The following GALNT13 variants were observed in gnomAD, a reference collection of about 807,000 sequenced individuals.
The protein encoded by GALNT13 is polypeptide N-acetylgalactosaminyltransferase 13.
Under a neutral mutation model 64.2 loss-of-function variants are expected in GALNT13, and 28 were observed. That is an observed-to-expected ratio of 0.44 (90% CI 0.32 to 0.60). The LOEUF is 0.60. Ranked by LOEUF, GALNT13 falls within the 20% of genes least tolerant of loss-of-function variation. GALNT13 has a pLI of 0.05. For missense variants in GALNT13, 577 were observed against 669.8 expected (o/e 0.86, Z 1.53); for synonymous variants, 214 against 224.6 (o/e 0.95, Z 0.42).
the GALNT13 span, among the ~76,000 whole-genome samples, chr2:153,325,124 T>TG: frequency 2.8e-5 from 4 of 145,002 alleles, no homozygotes; most frequent in East Asian, 6.0e-4. Flanking sequence ...GTTTTTTTTT[T>TG]TTTTTTTTTT....
chr2:153,219,799 T>G, the GALNT13 span, among the ~76,000 whole-genome samples: 1 of 152,362 alleles, frequency 6.6e-6, no homozygotes, highest in African/African-American at 2.4e-5. Context: ...GTGGGAAATT[T>G]CATCCTTTTC....
At chr2:154,012,623 G>A (rs1419859246) in intron 3 of GALNT13, among the ~76,000 whole-genome samples, 1 of 152,164 alleles carries the variant, frequency 6.6e-6, no homozygotes, top group Non-Finnish European at 1.5e-5. Context: ...CTGGGGACAT[G>A]AGAGAAATTT....
In GALNT13 at chr2:153,946,088, C is replaced by G. The variant is rs1574175397; in HGVS notation, c.142+1449C>G. Among the ~76,000 whole-genome samples, 3 of 152,228 alleles carry G rather than the reference C, an allele frequency of 2.0e-5. No individual in the cohort carries two copies. In the East Asian group the frequency reaches 5.8e-4, roughly 29 times the overall value. On this transcript the variant is annotated intron_variant, in intron 3 of 12. Transcript: ENST00000392825. Reference sequence around the variant, plus strand: ...TAGTTAAAACCCCAGAATTAATCAGCCTTCTGAGCTTCTTTGTCAGAATCA... The same window carrying G: ...TAGTTAAAACCCCAGAATTAATCAGGCTTCTGAGCTTCTTTGTCAGAATCA...
the GALNT13 span, among the ~76,000 whole-genome samples, chr2:153,386,821 C>T: frequency 1.3e-5 from 2 of 152,050 alleles, no homozygotes; most frequent in Non-Finnish European, 2.9e-5. Flanking sequence ...AGATCCAGTC[C>T]TCTGAACAAC....
chr2:154,030,620 T>C (rs1698274142), intron 3 of GALNT13, among the ~76,000 whole-genome samples: 1 of 152,136 alleles, frequency 6.6e-6, no homozygotes, highest in Non-Finnish European at 1.5e-5. Flanking sequence ...CAAATTGTAA[T>C]TGCCACATGT....
chr2:153,247,032 A>T, the GALNT13 span, among the ~76,000 whole-genome samples: 1 of 152,214 alleles, frequency 6.6e-6, no homozygotes. Flanking sequence ...AAACCAACAA[A>T]GATCAAAAAA....
At chr2:153,267,489 C>T in the GALNT13 span, among the ~76,000 whole-genome samples, 1 of 152,152 alleles carries the variant, frequency 6.6e-6, no homozygotes, top group Non-Finnish European at 1.5e-5. Flanking sequence ...TGGAAGCCAC[C>T]AAGGATTGGG....
At chr2:153,301,331 G>GAAAAAAAAA in the GALNT13 span, among the ~76,000 whole-genome samples, 24 of 51,250 alleles carry the variant, frequency 4.7e-4, no homozygotes, top group African/African-American at 2.8e-3. Context: ...AAAAAAAAAA[G>GAAAAAAAAA]AGTCTGCAGA....
rs116274712 is a variant in GALNT13 at position 154,263,337 on chromosome 2, A to G, written c.975+4199A>G. Among the ~76,000 whole-genome samples the G allele has an allele frequency of 3.9e-3, 595 of 152,280 alleles. 4 individuals are homozygous for G. Among genetic ancestry groups the G allele is most frequent in the Middle Eastern group, 6.8e-3 (2 of 294 alleles). On this transcript the variant is annotated intron_variant, in intron 8 of 12. Transcript: ENST00000392825. Reference sequence around the variant, plus strand: ...TTTTAGAGAAAGATTAAATGATATTATGTATATTGTGCTGAGTACTCCACT... The same window carrying G: ...TTTTAGAGAAAGATTAAATGATATTGTGTATATTGTGCTGAGTACTCCACT...
the GALNT13 span, among the ~76,000 whole-genome samples, chr2:153,089,746 G>A: frequency 1.3e-5 from 2 of 151,736 alleles, no homozygotes; most frequent in African/African-American, 2.4e-5. Context: ...AGTATATTTT[G>A]TACTTCTCTG....
intron 8 of GALNT13, among the ~76,000 whole-genome samples, chr2:154,275,246 A>G (rs1691578265): frequency 1.3e-5 from 2 of 152,294 alleles, no homozygotes; most frequent in South Asian, 2.1e-4. Flanking sequence ...GGAGCCAAAT[A>G]TTAACCACCA....
chr2:154,058,434 G>A (rs944070983), intron 3 of GALNT13, among the ~76,000 whole-genome samples: 21 of 152,218 alleles, frequency 1.4e-4, no homozygotes, highest in African/African-American at 4.8e-4. Context: ...AACATAAAGT[G>A]TAATACAGGT....
the GALNT13 span, among the ~76,000 whole-genome samples, chr2:153,453,097 C>T: frequency 6.6e-6 from 1 of 152,148 alleles, no homozygotes; most frequent in Non-Finnish European, 1.5e-5. Flanking sequence ...CACTACCTCT[C>T]ACCATATTCA....
chr2:154,355,221 T>A (rs76215319), intron 9 of GALNT13, among the ~76,000 whole-genome samples: 3,551 of 152,178 alleles, frequency 0.023, 74 homozygotes, highest in Non-Finnish European at 0.035. Context: ...TACTTTTGGA[T>A]GTGCCATCTC....
At chr2:153,525,863 A>C in the GALNT13 span, among the ~76,000 whole-genome samples, 7 of 152,110 alleles carry the variant, frequency 4.6e-5, no homozygotes, top group Admixed American at 2.0e-4. Context: ...CATTCACCAC[A>C]AGCTGACTGA....
At chr2:153,780,423 C>G in the GALNT13 span, among the ~76,000 whole-genome samples, 1 of 151,872 alleles carries the variant, frequency 6.6e-6, no homozygotes, top group Admixed American at 6.6e-5. Flanking sequence ...GCAGTCCTTG[C>G]TTATGTCTAA....
chr2:153,479,889 G>A, the GALNT13 span, among the ~76,000 whole-genome samples: 1 of 151,992 alleles, frequency 6.6e-6, no homozygotes, highest in Non-Finnish European at 1.5e-5. Context: ...GCATGTTCCC[G>A]CTCCCCCTTT....
At chr2:153,732,587 A>G in the GALNT13 span, among the ~76,000 whole-genome samples, 1 of 152,170 alleles carries the variant, frequency 6.6e-6, no homozygotes, top group African/African-American at 2.4e-5. Context: ...CAAGGTCAAG[A>G]CCCTTGTAGG....
the GALNT13 span, among the ~76,000 whole-genome samples, chr2:153,610,505 T>C: frequency 6.6e-6 from 1 of 152,152 alleles, no homozygotes; most frequent in Non-Finnish European, 1.5e-5. Flanking sequence ...CGAAACCCTG[T>C]CTCTACTAAA....
Sources: gnomAD v4.1 joint callset for allele counts (sites outside exome capture counted in the v4.1 genomes callset) on GRCh38, gnomAD v4.1.1 for gene constraint, MANE v1.5 for transcripts, NCBI Gene and HGNC (gene_info 2026-07-23, HGNC 2026-07-21) for gene names.